The following ANKH variants were observed in gnomAD, a reference collection of about 807,000 sequenced individuals.
The protein encoded by ANKH is mineralization regulator ANKH.
Under a neutral mutation model 49.0 loss-of-function variants are expected in ANKH, and 15 were observed. That is an observed-to-expected ratio of 0.31 (90% confidence interval 0.20 to 0.47). The LOEUF is 0.47. ANKH is among the 20% of genes least tolerant of loss of function. ANKH has a pLI of 1.00. For missense variants in ANKH, 429 were observed against 652.0 expected (o/e 0.66, Z 3.72); for synonymous variants, 273 against 260.0 (o/e 1.05, Z -0.48).
intron 1 of ANKH, among the ~76,000 whole-genome samples, chr5:14,853,223 G>C (rs1163812191): frequency 6.6e-6 from 1 of 152,142 alleles, no homozygotes; most frequent in Non-Finnish European, 1.5e-5. Context: ...ACTATTTTAA[G>C]AGTATAGTTG....
At chr5:14,755,132 G>A (rs1738845928) in intron 4 of ANKH, among the ~76,000 whole-genome samples, 1 of 151,230 alleles carries the variant, frequency 6.6e-6, no homozygotes, top group Non-Finnish European at 1.5e-5. Flanking sequence ...CTTCCTCTAT[G>A]AAGAAATCAT....
chr5:14,796,445 T>C (rs1404872894), intron 1 of ANKH, among the ~76,000 whole-genome samples: 4 of 86,930 alleles, frequency 4.6e-5, no homozygotes, highest in African/African-American at 1.5e-4. Context: ...AACTTGGCGG[T>C]CCCAAGTTAA....
intron 1 of ANKH, among the ~76,000 whole-genome samples, chr5:14,831,607 C>G (rs1741510297): frequency 1.3e-5 from 2 of 152,092 alleles, no homozygotes; most frequent in Admixed American, 6.5e-5. Flanking sequence ...TCAAGGGGGG[C>G]CCTGCACACC....
chr5:14,746,575 C>G (rs1467035511), intron 6 of ANKH, among the ~76,000 whole-genome samples: 1 of 152,196 alleles, frequency 6.6e-6, no homozygotes, highest in South Asian at 2.1e-4. Context: ...TAGCCCCCAG[C>G]TGCATGATTC....
intron 1 of ANKH, among the ~76,000 whole-genome samples, chr5:14,818,720 C>CAA (rs1741115895): frequency 6.6e-6 from 1 of 151,022 alleles, no homozygotes; most frequent in South Asian, 2.1e-4. Context: ...ACTGGGCTTC[C>CAA]ACACCACCCC....
At chr5:14,833,845 T>C (rs754841729) in intron 1 of ANKH, among the ~76,000 whole-genome samples, 11 of 152,160 alleles carry the variant, frequency 7.2e-5, no homozygotes, top group Non-Finnish European at 1.3e-4. Flanking sequence ...AAAGGAACTG[T>C]TGGGGCCCTG....
chr5:14,850,807 G>A (rs1241219440), intron 1 of ANKH, among the ~76,000 whole-genome samples: 3 of 152,160 alleles, frequency 2.0e-5, no homozygotes, highest in Non-Finnish European at 4.4e-5. Context: ...GTGCTGAAAG[G>A]CAGAGAAACT....
At chr5:14,818,082 AG>A (rs1741090896) in intron 1 of ANKH, among the ~76,000 whole-genome samples, 1 of 87,030 alleles carries the variant, frequency 1.1e-5, no homozygotes, top group African/African-American at 4.2e-5. Context: ...AAAAAAAAAA[AG>A]GAAAAAAAAA....
At chr5:14,766,529 T>C (rs1257995913) in intron 2 of ANKH, among the ~76,000 whole-genome samples, 1 of 152,232 alleles carries the variant, frequency 6.6e-6, no homozygotes. Flanking sequence ...TCCTGCTCTA[T>C]GCTCTCACAT....
At chr5:14,759,229 G>A (rs982811156) in intron 2 of ANKH, among the ~76,000 whole-genome samples, 6 of 152,154 alleles carry the variant, frequency 3.9e-5, no homozygotes, top group Admixed American at 1.3e-4. Context: ...ATGACATTGC[G>A]GAGGTGCTTT....
intron 8 of ANKH, among the ~76,000 whole-genome samples, chr5:14,720,180 C>T (rs566821626): frequency 7.2e-5 from 11 of 152,240 alleles, no homozygotes; most frequent in South Asian, 2.1e-4. Flanking sequence ...CATTCCCCTA[C>T]GTATTTTCTG....
chr5:14,739,211 G>A (rs772447912), intron 8 of ANKH, among the ~76,000 whole-genome samples: 2 of 152,162 alleles, frequency 1.3e-5, no homozygotes, highest in Non-Finnish European at 2.9e-5. Flanking sequence ...GAGGTCAGGA[G>A]TTCGAGACCA....
intron 2 of ANKH, among the ~76,000 whole-genome samples, chr5:14,765,607 GAAAAA>G (rs369395796): frequency 1.4e-5 from 2 of 146,726 alleles, no homozygotes; most frequent in East Asian, 4.0e-4. Context: ...GCGGGGTCAA[GAAAAA>G]AAAAAGAAAA....
intron 1 of ANKH, among the ~76,000 whole-genome samples, chr5:14,800,992 G>A (rs1237757531): frequency 6.6e-6 from 1 of 152,142 alleles, no homozygotes; most frequent in African/African-American, 2.4e-5. Context: ...TCCCAAAGGG[G>A]TAGGCTTATA....
chr5:14,787,916 C>T (rs28005), intron 1 of ANKH, among the ~76,000 whole-genome samples: 117,169 of 152,200 alleles, frequency 0.77, 45,188 homozygotes, highest in South Asian at 0.86. Context: ...AAAAGAGGAA[C>T]CTTCTCCCTG....
At chr5:14,795,857 C>CAA (rs199499798) in intron 1 of ANKH, among the ~76,000 whole-genome samples, 1,471 of 112,218 alleles carry the variant, frequency 0.013, 17 homozygotes, top group African/African-American at 0.044. Flanking sequence ...GACTGTGTCT[C>CAA]AAAAAAAAAA....
chr5:14,727,322 C>T (rs180876499), intron 8 of ANKH, among the ~76,000 whole-genome samples: 145 of 152,172 alleles, frequency 9.5e-4, no homozygotes, highest in African/African-American at 3.4e-3. Context: ...AGCATATTCA[C>T]GGTAAAAAAT....
chr5:14,817,954 C>T (rs1346390855), intron 1 of ANKH, among the ~76,000 whole-genome samples: 6 of 151,128 alleles, frequency 4.0e-5, no homozygotes, highest in Non-Finnish European at 8.8e-5. Context: ...GTCCTAGCTA[C>T]TCAGGAGGCT....
chr5:14,713,695 G>A lies in ANKH; in HGVS notation c.1142-28C>T. On this transcript the variant is annotated intron_variant, in intron 9 of 11. Transcript: ENST00000284268. The surrounding 1 kb of genome is among the most constrained non-coding windows in gnomAD (Gnocchi z 4.4). ...GTTGGGAGGAGCAAAGGACTCGTCA[G>A]CCGTGCCCGCCATCCACTCCCCATC... 1.2e-6 allele frequency: 2 copies of A among 1,612,254 alleles called. No individual in the cohort carries two copies. Among genetic ancestry groups the A allele is most frequent in the East Asian group, 4.5e-5 (2 of 44,882 alleles).
Sources: gnomAD v4.1 joint callset for allele counts (sites outside exome capture counted in the v4.1 genomes callset) on GRCh38, gnomAD v4.1.1 for gene constraint, Gnocchi (gnomAD v3.1) non-coding constraint, MANE v1.5 for transcripts, NCBI Gene and HGNC (gene_info 2026-07-23, HGNC 2026-07-21) for gene names.